HSD17B7: variants seen among roughly 807,000 people sequenced by gnomAD.
HSD17B7 encodes the protein hydroxysteroid 17-beta dehydrogenase 7.
A neutral mutation model predicts 34.1 loss-of-function variants in HSD17B7; 17 were observed. The observed-to-expected ratio is 0.50, with a 90% CI of 0.34 to 0.75. The LOEUF is 0.75. Among genes scored for constraint, HSD17B7 ranks in the 30% least tolerant of loss-of-function variants. The pLI, the probability that HSD17B7 is intolerant of heterozygous loss-of-function variation, is 0.01. For missense variants in HSD17B7, 296 were observed against 406.6 expected, an observed-to-expected ratio of 0.73 and a Z score of 2.34; for synonymous variants, 122 against 154.6, an observed-to-expected ratio of 0.79 and a Z score of 1.56.
At chr1:162,808,165 G>C (rs1324539909) in intron 8 of HSD17B7, among the ~76,000 whole-genome samples, 42 of 152,124 alleles carry the variant, frequency 2.8e-4, no homozygotes, top group Middle Eastern at 3.4e-3. Flanking sequence ...GGAAGGGATC[G>C]AGTTTCAGCT....
At chr1:162,804,856 G>A (rs1648928246) in intron 7 of HSD17B7, among the ~76,000 whole-genome samples, 1 of 152,284 alleles carries the variant, frequency 6.6e-6, no homozygotes, top group East Asian at 1.9e-4. Flanking sequence ...TTACTAATGG[G>A]CTATAATACT....
chr1:162,799,708 T>A, intron 4 of HSD17B7, 35 bp from the exon 5 acceptor site: 1 of 1,576,676 alleles, frequency 6.3e-7, no homozygotes, highest in Non-Finnish European at 8.7e-7. Context: ...ATTCTGTCAG[T>A]ATATTTTAAT....
Position 162,812,559 on chromosome 1 carries a change from T to TC in HSD17B7, c.*142dup, listed in dbSNP as rs1320372178. On this transcript the variant is annotated 3_prime_UTR_variant, in exon 9 of 9. Coordinates refer to ENST00000254521, the MANE Select transcript of HSD17B7 (RefSeq NM_016371.4). ...TGGGTGTGGTGGCATGCGCATGTAGTCCCAGCTACTCAGAAGGATGAGGTG... is the reference window on the plus strand; with the variant it reads ...TGGGTGTGGTGGCATGCGCATGTAGTCCCCAGCTACTCAGAAGGATGAGGTG... 9.1e-6 allele frequency: 7 copies of TC among 771,982 alleles called. No homozygotes were observed. The highest frequency in any genetic ancestry group is 1.2e-5 in the Non-Finnish European group (6 of 512,952). 47.8% of individuals were successfully genotyped at this position (771,982 alleles called of 1,614,324 possible).
intron 5 of HSD17B7, among the ~76,000 whole-genome samples, chr1:162,802,379 G>A (rs1475690768): frequency 1.3e-5 from 2 of 152,228 alleles, no homozygotes; most frequent in Admixed American, 6.5e-5. Context: ...TTTAGGGGCA[G>A]AGCACATTGT....
intron 8 of HSD17B7, among the ~76,000 whole-genome samples, chr1:162,810,497 G>A (rs1334795361): frequency 6.6e-6 from 1 of 152,106 alleles, no homozygotes; most frequent in East Asian, 1.9e-4. Context: ...TCAATTCCTG[G>A]ATATCCTTGT....
chr1:162,792,651 C>T lies in HSD17B7; in HGVS notation c.36-8C>T, dbSNP rs563752674. On this transcript the variant is annotated splice_region_variant and splice_polypyrimidine_tract_variant and intron_variant, in intron 1 of 8. Coordinates refer to ENST00000254521, the MANE Select transcript of HSD17B7 (RefSeq NM_016371.4). ...AACCCACATCTTGTGTCTGAATTGTCCTCCCAGTGGCATTGGCCTGGCCCT... is the reference window on the plus strand; with the variant it reads ...AACCCACATCTTGTGTCTGAATTGTTCTCCCAGTGGCATTGGCCTGGCCCT... The T allele has an allele frequency of 2.8e-4, 445 of 1,609,328 alleles. 3 individuals carry two copies. In the East Asian group the frequency reaches 8.9e-3, roughly 32 times the overall value.
At chr1:162,809,752 G>T (rs1205446816) in intron 8 of HSD17B7, among the ~76,000 whole-genome samples, 1 of 151,922 alleles carries the variant, frequency 6.6e-6, no homozygotes, top group Non-Finnish European at 1.5e-5. Flanking sequence ...GTTTATTTGC[G>T]TAGAGGTGTT....
intron 8 of HSD17B7, among the ~76,000 whole-genome samples, chr1:162,808,130 G>A (rs146412771): frequency 0.052 from 7,939 of 152,102 alleles, 254 homozygotes; most frequent in South Asian, 0.11. Context: ...AATCCATCTC[G>A]AATTAATTTT....
intron 8 of HSD17B7, among the ~76,000 whole-genome samples, chr1:162,807,650 T>C (rs1649030441): frequency 6.6e-6 from 1 of 152,178 alleles, no homozygotes; most frequent in Non-Finnish European, 1.5e-5. Context: ...TTCCTGACTT[T>C]TTAATGATCG....
rs184778941 is a variant in HSD17B7 at position 162,795,945 on chromosome 1, C to T, written c.240-640C>T. Among the ~76,000 whole-genome samples, 1,175 of 152,258 alleles carry T rather than the reference C, an allele frequency of 7.7e-3. 11 individuals carry two copies. The highest frequency in any genetic ancestry group is 9.2e-3 in the Non-Finnish European group (626 of 67,994). Reference sequence around the variant, plus strand: ...TCATATCCCTTCCGTGACAAGTATTCAGGGGGGAGCCCAACAAGATTACCT... The same window carrying T: ...TCATATCCCTTCCGTGACAAGTATTTAGGGGGGAGCCCAACAAGATTACCT... On this transcript the variant is annotated intron_variant, in intron 2 of 8. Coordinates refer to ENST00000254521, the MANE Select transcript of HSD17B7 (RefSeq NM_016371.4).
intron 8 of HSD17B7, among the ~76,000 whole-genome samples, chr1:162,810,161 A>T (rs1361784728): frequency 1.3e-5 from 2 of 152,038 alleles, no homozygotes; most frequent in Admixed American, 6.6e-5. Context: ...CTTTGTTCTC[A>T]TTGGTTTCAA....
intron 2 of HSD17B7, among the ~76,000 whole-genome samples, chr1:162,794,394 G>T (rs1296921663): frequency 1.3e-5 from 2 of 151,948 alleles, no homozygotes; most frequent in Non-Finnish European, 2.9e-5. Flanking sequence ...TCTCAGTGTG[G>T]CCTTAGTCCT....
chr1:162,801,604 G>A (rs559263598), intron 5 of HSD17B7, among the ~76,000 whole-genome samples: 4 of 152,282 alleles, frequency 2.6e-5, no homozygotes, highest in African/African-American at 9.6e-5. Context: ...TACATGTACG[G>A]GTTTTATGGG....
rs539352634 is a variant in HSD17B7, at chr1:162,795,379, G to A, written c.240-1206G>A. Among the ~76,000 whole-genome samples the A allele has an allele frequency of 4.3e-4, 65 of 152,246 alleles. 1 individual carries two copies. Among genetic ancestry groups the A allele is most frequent in the Admixed American group, 3.9e-3 (60 of 15,298 alleles). On this transcript the variant is annotated intron_variant, in intron 2 of 8. Coordinates refer to ENST00000254521, the MANE Select transcript of HSD17B7 (RefSeq NM_016371.4). Reference sequence around the variant, plus strand: ...AATGTATCAATTATTTTATTGATGAGTGGTATGTCATTTTACTGAAGCCAG... The same window carrying A: ...AATGTATCAATTATTTTATTGATGAATGGTATGTCATTTTACTGAAGCCAG...
rs773942199 is a variant in HSD17B7, at chr1:162,812,417, A to G, written c.1023A>G (p.Leu341=). Residue 341 remains leucine (L), a synonymous_variant, in exon 9 of 9, where the codon CTA becomes CTG. Transcript: ENST00000254521. ...AGGCCAGGCTCAGTGGCTCATGCCT[A>G]TAATTCCAGCACTTTGGGAGGCCAA... is the stretch of plus-strand genomic sequence containing the variant. ...DNQARLSGSC[L] The G allele has an allele frequency of 1.7e-5, 27 of 1,580,218 alleles. No homozygotes were observed. The South Asian group carries it at 2.2e-4, about 13-fold the overall frequency.
At chr1:162,798,182 C>T (rs1162571648) in intron 4 of HSD17B7, 7 of 509,336 alleles carry the variant, frequency 1.4e-5, no homozygotes, top group Non-Finnish European at 2.1e-5. Context: ...GTATGCCCTA[C>T]ACCCAGTTTC....
chr1:162,808,556 G>T (rs1229442575), intron 8 of HSD17B7, among the ~76,000 whole-genome samples: 1 of 152,118 alleles, frequency 6.6e-6, no homozygotes, highest in Non-Finnish European at 1.5e-5. Context: ...AATTACCTTG[G>T]GTAGTATGGC....
At chr1:162,791,083 C>T (rs1249708232) in intron 1 of HSD17B7, among the ~76,000 whole-genome samples, 3 of 151,726 alleles carry the variant, frequency 2.0e-5, no homozygotes, top group South Asian at 2.1e-4. Flanking sequence ...CAGTGATGAT[C>T]CTGAGGTTAT....
intron 2 of HSD17B7, among the ~76,000 whole-genome samples, chr1:162,796,192 A>G (rs1362846662): frequency 6.6e-6 from 1 of 151,904 alleles, no homozygotes; most frequent in Non-Finnish European, 1.5e-5. Context: ...TTTTTTTTTT[A>G]AAGCAAGACA....
Sources: gnomAD v4.1 joint callset for allele counts (sites outside exome capture counted in the v4.1 genomes callset) on GRCh38, gnomAD v4.1.1 for gene constraint, MANE v1.5 for transcripts, NCBI Gene and HGNC (gene_info 2026-07-23, HGNC 2026-07-21) for gene names.